The following DNAJC16 variants were observed in gnomAD, a reference collection of about 807,000 sequenced individuals.
DNAJC16 encodes DnaJ heat shock protein family (Hsp40) member C16.
DNAJC16 carries 76 observed loss-of-function variants against 92.7 expected under a neutral mutation model. The ratio of observed to expected loss-of-function variants is 0.82; its 90% CI spans 0.68 to 0.99. DNAJC16 has a LOEUF of 0.99. Ranked by LOEUF, DNAJC16 falls within the 50% of genes least tolerant of loss-of-function variation. The probability of loss-of-function intolerance (pLI) is 0.00; values close to 1 mark genes in which losing one functional copy is unlikely to be tolerated. For synonymous variants in DNAJC16, 328 were observed against 358.7 expected (o/e 0.91, Z 0.97); for missense variants, 869 against 942.4 (o/e 0.92, Z 1.02).
At position 15,566,065 on chromosome 1, in the gene DNAJC16, C is replaced by T. The variant is rs373352594; in HGVS notation, c.1680-17C>T. ...TGTTGACACTTTTTTTGTAAAACTC[C>T]TTTTTTCTTACTTTAGCGACTCTAA... On this transcript the variant is annotated splice_polypyrimidine_tract_variant and intron_variant, in intron 12 of 14. Coordinates refer to ENST00000375847, the MANE Select transcript of DNAJC16 (RefSeq NM_015291.4). 40 of 1,611,594 alleles carry T rather than the reference C, an allele frequency of 2.5e-5. No homozygotes were observed. In the East Asian group the frequency reaches 3.1e-4, roughly 13 times the overall value.
At chr1:15,563,847 CAA>C (rs71002909) in intron 9 of DNAJC16, 80 bp from the exon 10 acceptor site, 78,980 of 1,050,792 alleles carry the variant, frequency 0.075, no homozygotes, top group East Asian at 0.14. Flanking sequence ...AAGACTCCGT[CAA>C]AAAAAAAAAA....
At chr1:15,530,431 T>C (rs1236485129) in intron 2 of DNAJC16, among the ~76,000 whole-genome samples, 1 of 152,176 alleles carries the variant, frequency 6.6e-6, no homozygotes, top group Admixed American at 6.5e-5. Context: ...TCTAAAACTT[T>C]GGACAAATAT....
At chr1:15,552,324 A>T (rs1265428648) in intron 7 of DNAJC16, among the ~76,000 whole-genome samples, 1 of 149,970 alleles carries the variant, frequency 6.7e-6, no homozygotes. Flanking sequence ...TGTTTCTACT[A>T]AAAAAAAATA....
chr1:15,563,181 A>G (rs1557587795), intron 9 of DNAJC16, among the ~76,000 whole-genome samples: 1 of 152,094 alleles, frequency 6.6e-6, no homozygotes, highest in Non-Finnish European at 1.5e-5. Flanking sequence ...AGCAAAGTCT[A>G]TTGAGAAAAA....
intron 8 of DNAJC16, among the ~76,000 whole-genome samples, chr1:15,561,698 G>A (rs6429749): frequency 0.011 from 1,743 of 151,686 alleles, 40 homozygotes; most frequent in African/African-American, 0.039. Context: ...AAAATAAAAT[G>A]AAAGGCCCTG....
intron 4 of DNAJC16, among the ~76,000 whole-genome samples, chr1:15,540,621 C>G (rs1710911299): frequency 1.3e-5 from 2 of 152,034 alleles, no homozygotes; most frequent in Non-Finnish European, 2.9e-5. Context: ...GTCTTAAACT[C>G]CAGGAGATAC....
At position 15,570,609 on chromosome 1, in the gene DNAJC16, G is replaced by A. The variant is rs1638925925; in HGVS notation, c.*2432G>A. 6.6e-6 allele frequency: 1 copy of A among 152,206 alleles called. No homozygotes were observed. The highest frequency in any genetic ancestry group is 1.5e-5 in the Non-Finnish European group (1 of 68,050). 9.4% of individuals were successfully genotyped at this position (152,206 alleles called of 1,614,324 possible). Reference sequence around the variant, plus strand: ...CCTTCCATTTGCACTAGGAAATGAAGGTAGTGATGGGATTGGCAATGTTCC... The same window carrying A: ...CCTTCCATTTGCACTAGGAAATGAAAGTAGTGATGGGATTGGCAATGTTCC... On this transcript the variant is annotated 3_prime_UTR_variant, in exon 15 of 15. Coordinates refer to ENST00000375847, the MANE Select transcript of DNAJC16 (RefSeq NM_015291.4).
chr1:15,555,012 A>G (rs535246142), intron 7 of DNAJC16, among the ~76,000 whole-genome samples: 8 of 146,254 alleles, frequency 5.5e-5, no homozygotes, highest in Admixed American at 4.1e-4. Flanking sequence ...GGTGCCTCCT[A>G]TTTTTTATCC....
At chr1:15,540,787 C>T (rs1456793269) in intron 4 of DNAJC16, among the ~76,000 whole-genome samples, 1 of 152,138 alleles carries the variant, frequency 6.6e-6, no homozygotes, top group African/African-American at 2.4e-5. Context: ...TCTGGTATAA[C>T]GTATACTGAA....
chr1:15,563,860 A>AAAG (rs1553149112), intron 9 of DNAJC16, 69 bp from the exon 10 acceptor site: 39,331 of 1,409,206 alleles, frequency 0.028, 163 homozygotes, highest in African/African-American at 0.044. Flanking sequence ...AAAAAAAAAA[A>AAAG]AAAGCAAACA....
chr1:15,545,323 TG>T (rs1224374322), intron 5 of DNAJC16, among the ~76,000 whole-genome samples: 2 of 152,246 alleles, frequency 1.3e-5, no homozygotes, highest in African/African-American at 2.4e-5. Flanking sequence ...ACTGTCCTAC[TG>T]GGATCATTAT....
rs1638950534 is a variant in DNAJC16, at chr1:15,571,654, AT to A, written c.*3479del. On this transcript the variant is annotated 3_prime_UTR_variant, in exon 15 of 15. Coordinates refer to ENST00000375847, the MANE Select transcript of DNAJC16 (RefSeq NM_015291.4). The stretch of plus-strand genomic sequence containing the variant: ...GTTTTTGTTTTTTGACTTTTTTTGT[AT>A]TGTGAACAGGCACTGAAGCTGATGT... 6.6e-6 allele frequency: 1 copy of A among 152,568 alleles called. No homozygotes were observed. Among genetic ancestry groups the A allele is most frequent in the African/African-American group, 2.4e-5 (1 of 41,420 alleles). The allele number at this position is 152,568 out of a possible 1,614,324, so 9.5% of individuals were successfully genotyped here.
At chr1:15,545,513 C>T (rs564506186) in intron 5 of DNAJC16, among the ~76,000 whole-genome samples, 90 of 152,270 alleles carry the variant, frequency 5.9e-4, no homozygotes, top group African/African-American at 2.0e-3. Context: ...TGGTTATTTC[C>T]AGTATGTTGG....
chr1:15,556,031 A>T (rs1008659308), intron 7 of DNAJC16, among the ~76,000 whole-genome samples: 4 of 150,064 alleles, frequency 2.7e-5, no homozygotes, highest in African/African-American at 9.8e-5. Context: ...AGCCGGGTGC[A>T]GTGGCTCACC....
In DNAJC16 at chr1:15,564,297, A is replaced by T; in HGVS notation, c.1536A>T (p.Arg512=). Reference sequence around the variant, plus strand: ...TCTCTACATAGGTTTTTCTCCTTCGATGGTTCTACTCTGCTTCTGACTACA... The same window carrying T: ...TCTCTACATAGGTTTTTCTCCTTCGTTGGTTCTACTCTGCTTCTGACTACA... ...TDELAPVFLL[R]WFYSASDYIS... The change falls in exon 11 of 15, where the codon CGA becomes CGT. Residue 512 remains arginine, a synonymous_variant. Coordinates refer to ENST00000375847, the MANE Select transcript of DNAJC16 (RefSeq NM_015291.4). 1.2e-6 allele frequency: 2 copies of T among 1,609,826 alleles called. No individual in the cohort carries two copies. The highest frequency in any genetic ancestry group is 1.7e-6 in the Non-Finnish European group (2 of 1,176,056).
At chr1:15,547,316 G>T (rs1016539266) in intron 6 of DNAJC16, among the ~76,000 whole-genome samples, 2 of 151,440 alleles carry the variant, frequency 1.3e-5, no homozygotes, top group African/African-American at 4.9e-5. Flanking sequence ...CCCAGCTAAC[G>T]TTTCTATTTT....
chr1:15,535,425 T>C (rs1381384443), intron 3 of DNAJC16, among the ~76,000 whole-genome samples: 1 of 152,236 alleles, frequency 6.6e-6, no homozygotes, highest in Non-Finnish European at 1.5e-5. Flanking sequence ...AAAGAAGAGT[T>C]TCTCATTCTT....
At chr1:15,529,665 C>G in intron 2 of DNAJC16, among the ~76,000 whole-genome samples, 3 of 152,080 alleles carry the variant, frequency 2.0e-5, no homozygotes, top group Admixed American at 2.0e-4. Context: ...CTATACAACC[C>G]TATTCTCTAA....
intron 4 of DNAJC16, among the ~76,000 whole-genome samples, chr1:15,541,092 A>G (rs1213358060): frequency 6.6e-6 from 1 of 152,164 alleles, no homozygotes; most frequent in Non-Finnish European, 1.5e-5. Context: ...ACCTTGCAGA[A>G]TGATTGTGAG....
Sources: allele counts gnomAD v4.1 joint callset (sites outside exome capture counted in the v4.1 genomes callset), GRCh38; gene constraint gnomAD v4.1.1; transcripts MANE v1.5; gene names NCBI Gene and HGNC (gene_info 2026-07-23, HGNC 2026-07-21).